The following LINGO2 variants were observed in gnomAD, a reference collection of about 807,000 sequenced individuals.
The protein encoded by LINGO2 is leucine rich repeat and Ig domain containing 2, also known as leucine-rich repeat and immunoglobulin-like domain-containing nogo receptor-interacting protein 2.
LINGO2 carries 14 observed loss-of-function variants against 30.6 expected under a neutral mutation model. The observed-to-expected ratio is 0.46, with a 90% CI of 0.30 to 0.72. The LOEUF (loss-of-function observed/expected upper bound fraction) is 0.72. Among genes scored for constraint, LINGO2 ranks in the 30% least tolerant of loss-of-function variants. The pLI is 0.07. For synonymous variants in LINGO2, 317 were observed against 288.5 expected (o/e 1.10, Z -1.00); for missense variants, 729 against 751.7 (o/e 0.97, Z 0.35).
chr9:28,391,883 T>C (rs929673391), intron 2 of LINGO2, among the ~76,000 whole-genome samples: 1 of 152,208 alleles, frequency 6.6e-6, no homozygotes, highest in Non-Finnish European at 1.5e-5. Flanking sequence ...GAAAACCCTA[T>C]TTTATGCTGA....
At chr9:29,144,565 A>C in the LINGO2 span, among the ~76,000 whole-genome samples, 2 of 152,100 alleles carry the variant, frequency 1.3e-5, no homozygotes, top group Admixed American at 1.3e-4. Flanking sequence ...GCAGCTCTGG[A>C]AGATGGAAGC....
the LINGO2 span, among the ~76,000 whole-genome samples, chr9:28,797,271 T>C: frequency 2.0e-5 from 3 of 148,632 alleles, no homozygotes; most frequent in East Asian, 2.0e-4. Flanking sequence ...AAAGAATTCA[T>C]ATCTATATGA....
intron 1 of LINGO2, among the ~76,000 whole-genome samples, chr9:28,576,406 G>A (rs535323430): frequency 1.8e-4 from 24 of 132,856 alleles, no homozygotes; most frequent in Admixed American, 4.4e-4. Context: ...CAAGGATTGC[G>A]TGTGTGTGTG....
the LINGO2 span, among the ~76,000 whole-genome samples, chr9:29,188,836 C>G: frequency 7.0e-5 from 9 of 127,984 alleles, no homozygotes; most frequent in South Asian, 7.6e-4. Flanking sequence ...GGGGCTGACC[C>G]CCCCGCCACC....
the LINGO2 span, among the ~76,000 whole-genome samples, chr9:28,948,295 T>C: frequency 2.0e-5 from 3 of 152,144 alleles, no homozygotes; most frequent in Non-Finnish European, 4.4e-5. Context: ...GTGGATGTCT[T>C]TCTAAAAGTT....
intron 3 of LINGO2, among the ~76,000 whole-genome samples, chr9:28,369,610 G>C (rs1296401345): frequency 1.3e-5 from 2 of 152,110 alleles, no homozygotes; most frequent in Non-Finnish European, 2.9e-5. Flanking sequence ...CAGGTAGGTG[G>C]GTAAGAGGGA....
At chr9:28,234,636 T>C (rs1821493113) in intron 4 of LINGO2, among the ~76,000 whole-genome samples, 2 of 152,184 alleles carry the variant, frequency 1.3e-5, no homozygotes, top group Admixed American at 6.5e-5. Context: ...CTGCTGGATG[T>C]TTCCTGCCCT....
the LINGO2 span, among the ~76,000 whole-genome samples, chr9:28,985,705 G>C: frequency 2.1e-4 from 32 of 152,042 alleles, no homozygotes; most frequent in African/African-American, 3.6e-4. Flanking sequence ...TTTTGTTCTT[G>C]TTGTTGTGTT....
chr9:28,753,722 G>C, the LINGO2 span, among the ~76,000 whole-genome samples: 31 of 150,624 alleles, frequency 2.1e-4, no homozygotes, highest in African/African-American at 6.9e-4. Context: ...GTTTAGAAAT[G>C]CTTGTTGTTA....
At chr9:28,871,486 T>A in the LINGO2 span, among the ~76,000 whole-genome samples, 1 of 151,808 alleles carries the variant, frequency 6.6e-6, no homozygotes, top group South Asian at 2.1e-4. Flanking sequence ...ATATACTCTG[T>A]GTTACTACCT....
chr9:28,668,339 A>G (rs1828881350), intron 1 of LINGO2, among the ~76,000 whole-genome samples: 1 of 152,144 alleles, frequency 6.6e-6, no homozygotes, highest in Non-Finnish European at 1.5e-5. Flanking sequence ...CTTCATAATT[A>G]GAACAAGAAC....
At chr9:28,753,922 G>A in the LINGO2 span, among the ~76,000 whole-genome samples, 4 of 151,674 alleles carry the variant, frequency 2.6e-5, no homozygotes, top group African/African-American at 4.9e-5. Context: ...TGAGAGGAAT[G>A]TTTTGCATTA....
intron 5 of LINGO2, among the ~76,000 whole-genome samples, chr9:28,000,735 A>G (rs565272299): frequency 1.3e-5 from 2 of 152,332 alleles, no homozygotes; most frequent in South Asian, 4.1e-4. Context: ...GAAAGTTGAC[A>G]ATAGTTTTTT....
chr9:27,939,118 G>A, the LINGO2 span: 1 of 152,014 alleles, frequency 6.6e-6, no homozygotes, highest in Non-Finnish European at 1.5e-5. Context: ...AGTGTGATAT[G>A]CATAATCATC....
intron 2 of LINGO2, among the ~76,000 whole-genome samples, chr9:28,472,107 A>G (rs1285270962): frequency 6.6e-6 from 1 of 152,054 alleles, no homozygotes; most frequent in Admixed American, 6.6e-5. Context: ...ATTATGTCTT[A>G]TTTCCTAATT....
At chr9:28,895,126 A>G in the LINGO2 span, among the ~76,000 whole-genome samples, 872 of 152,268 alleles carry the variant, frequency 5.7e-3, 12 homozygotes, top group African/African-American at 0.02. Flanking sequence ...TTCAAACTTC[A>G]TAGGTCAAAT....
At chr9:28,900,743 G>GT in the LINGO2 span, among the ~76,000 whole-genome samples, 2 of 152,130 alleles carry the variant, frequency 1.3e-5, no homozygotes, top group African/African-American at 2.4e-5. Flanking sequence ...AAATGTGAAG[G>GT]TAACAATGCA....
At chr9:27,997,217 G>A (rs187374648) in intron 5 of LINGO2, among the ~76,000 whole-genome samples, 1 of 152,266 alleles carries the variant, frequency 6.6e-6, no homozygotes, top group Admixed American at 6.5e-5. Context: ...CTCAAGGTCT[G>A]GGCTAATTAC....
the LINGO2 span, among the ~76,000 whole-genome samples, chr9:29,183,551 A>G: frequency 1.3e-5 from 2 of 152,206 alleles, no homozygotes; most frequent in Admixed American, 6.5e-5. Flanking sequence ...CTGAGAAAGA[A>G]GTGATAGTTA....
Sources: gnomAD v4.1 joint callset for allele counts (sites outside exome capture counted in the v4.1 genomes callset) on GRCh38, gnomAD v4.1.1 for gene constraint, MANE v1.5 for transcripts, NCBI Gene and HGNC (gene_info 2026-07-23, HGNC 2026-07-21) for gene names.